The following ATG9B variants were observed in gnomAD, a reference collection of about 807,000 sequenced individuals.
ATG9B encodes autophagy-related protein 9B.
Under a neutral mutation model 92.9 loss-of-function variants are expected in ATG9B, and 92 were observed. That is an observed-to-expected ratio of 0.99 (90% CI 0.84 to 1.18). The LOEUF (loss-of-function observed/expected upper bound fraction) is 1.18. Among genes scored for constraint, ATG9B ranks in the 50% most tolerant of loss-of-function variants. ATG9B has a pLI of 0.00. For synonymous variants in ATG9B, 599 were observed against 551.4 expected (o/e 1.09, Z -1.21); for missense variants, 1,344 against 1,235.0 (o/e 1.09, Z -1.32).
At chr7:151,016,264 T>A in intron 11 of ATG9B, 29 bp from the exon 12 acceptor site, 2 of 1,480,534 alleles carry the variant, frequency 1.4e-6, no homozygotes, top group Non-Finnish European at 1.8e-6. Flanking sequence ...GAATGAGGGC[T>A]GCACCCCAAG....
Position 151,018,190 on chromosome 7 carries a change from T to C in ATG9B, c.1872+104A>G. On this transcript the variant is annotated intron_variant, in intron 7 of 13. Transcript: ENST00000639579. This position sits in a 1 kb window ranked among gnomAD's most constrained non-coding sequence, Gnocchi z 4.7. ...CTCCCTAGACTCCTGGTATAGTCCG[T>C]TTGTCTCATGCCCTCTCCCAGACAG... 1.4e-6 allele frequency: 2 copies of C among 1,473,696 alleles called. No individual in the cohort carries two copies. The highest frequency in any genetic ancestry group is 1.8e-6 in the Non-Finnish European group (2 of 1,117,414). The allele number at this position is 1,473,696 out of a possible 1,614,324, so 91.3% of individuals were successfully genotyped here.
chr7:151,020,559 C>G (rs1163633471), intron 5 of ATG9B, among the ~76,000 whole-genome samples: 2 of 152,208 alleles, frequency 1.3e-5, no homozygotes, highest in African/African-American at 4.8e-5. Flanking sequence ...CCCAGGGGAG[C>G]AAGGGAAGCA....
rs780965013 is a variant in ATG9B at position 151,024,257 on chromosome 7, G to T, written c.167C>A (p.Ala56Asp). ...GGAGGGGGAGCTTCTTGTATGAGGG[G>T]CAGGGGACAGAGAGAAGATGGAGAT... is the stretch of plus-strand genomic sequence containing the variant. ...GRISIFSLSPAPHTRSSPSSF... is the reference protein window; with the variant it reads ...GRISIFSLSPDPHTRSSPSSF... The change falls in exon 1 of 14, where the codon GCC (alanine) becomes GAC (aspartate). Residue 56 changes from alanine to aspartate, a missense_variant. Physicochemically the swap from Ala to Asp is moderately radical, Grantham distance 126 (BLOSUM62 -2). Coordinates refer to ENST00000639579, the MANE Select transcript of ATG9B (RefSeq NM_001317056.2). 6 of 1,466,830 alleles carry T rather than the reference G, an allele frequency of 4.1e-6. No homozygotes were observed. In the South Asian group the frequency reaches 4.5e-5, roughly 11 times the overall value. 90.9% of individuals were successfully genotyped at this position (1,466,830 alleles called of 1,614,324 possible). A position where few individuals can be genotyped will look rare whatever the true frequency, so the allele number is the denominator to read the frequency against.
rs2117181395 is a variant in ATG9B, at chr7:151,024,315, G to A, written c.109C>T (p.Pro37Ser). 2 of 1,431,772 alleles carry A rather than the reference G, an allele frequency of 1.4e-6. No individual in the cohort carries two copies. The highest frequency in any genetic ancestry group is 2.6e-5 in the East Asian group (1 of 39,058). 88.7% of individuals were successfully genotyped at this position (1,431,772 alleles called of 1,614,324 possible). ...CCCCCAGGTCCCCGGCATGAAGGAG[G>A]AGGAGGAGGTGGCAGTGGCATGGGG... The part of the protein sequence containing the change: ...LLPMPLPPPP[P>S]PSCRGPGGGR... The change falls in exon 1 of 14, where the codon CCT becomes TCT. Residue 37 changes from proline to serine, a missense_variant. Transcript: ENST00000639579.
Position 151,019,010 on chromosome 7 carries a change from G to A in ATG9B, c.1328C>T (p.Ala443Val), listed in dbSNP as rs1184664009. Reference protein sequence around the residue: ...ARWGRTVLLLAALNLALSPLV... With the variant: ...ARWGRTVLLLVALNLALSPLV... ...CGGGCTCAGCGCCAGGTTCAGGGCG[G>A]CCAGCAGCAGCACTGTGCGCCCCCA... The change falls in exon 6 of 14, where the codon GCC (alanine) becomes GTC (valine). Residue 443 changes from alanine to valine, a missense_variant. Ala to Val is a moderately conservative substitution (Grantham distance 64). Transcript: ENST00000639579. 1.3e-6 allele frequency: 2 copies of A among 1,559,190 alleles called. No individual in the cohort carries two copies. Among genetic ancestry groups the A allele is most frequent in the Non-Finnish European group, 1.7e-6 (2 of 1,157,798 alleles).
rs780303332 is a variant in ATG9B, at chr7:151,018,377, T to G, written c.1789A>C (p.Met597Leu). ...CCGGGCTCCTCCGGGAGGTAGTGCA[T>G]GTGGGCCAGGGCTGTCTGCAGCAGG... is the stretch of plus-strand genomic sequence containing the variant. ...QLLLQTALAHMHYLPEEPGPG... is the reference protein window; with the variant it reads ...QLLLQTALAHLHYLPEEPGPG... The change falls in exon 7 of 14, where the codon ATG becomes CTG. Residue 597 changes from methionine to leucine, a missense_variant. Physicochemically the swap from Met to Leu is conservative, Grantham distance 15 (BLOSUM62 2). Transcript: ENST00000639579. This position sits in a 1 kb window ranked among gnomAD's most constrained non-coding sequence, Gnocchi z 4.7. The G allele has an allele frequency of 1.3e-6, 2 of 1,596,760 alleles. No individual in the cohort carries two copies. The highest frequency in any genetic ancestry group is 1.7e-6 in the Non-Finnish European group (2 of 1,173,210).
Position 151,024,163 on chromosome 7 carries a change from G to T in ATG9B, c.261C>A (p.Cys87Ter), listed in dbSNP as rs769719709. The T allele has an allele frequency of 6.4e-6, 10 of 1,559,752 alleles. No individual in the cohort carries two copies. Among genetic ancestry groups the T allele is most frequent in the Non-Finnish European group, 7.8e-6 (9 of 1,151,778 alleles). The change falls in exon 1 of 14, where the codon TGC becomes TGA. Residue 87 changes from cysteine (C) to a stop codon, truncating the protein, a stop_gained. Coordinates refer to ENST00000639579, the MANE Select transcript of ATG9B (RefSeq NM_001317056.2). LOFTEE classifies it high-confidence loss of function. ...VLQGTGASQS[C>*]HSALPIPATP... is the part of the protein sequence containing the mutation. ...TGGCTGGGATAGGGAGAGCACTGTG[G>T]CAAGACTGAGAAGCCCCTGTCCCCT...
intron 8 of ATG9B, 23 bp from the exon 9 acceptor site, chr7:151,017,295 AG>A: frequency 6.4e-7 from 1 of 1,557,840 alleles, no homozygotes; most frequent in Admixed American, 1.8e-5. Flanking sequence ...ACAGTCTTTC[AG>A]GTGCTAAGAA....
At chr7:151,012,566 CAGGA>C, downstream of ATG9B, 2 of 1,435,218 alleles carry the variant, frequency 1.4e-6, no homozygotes, top group South Asian at 2.6e-5. Context: ...AAAGAGAGGG[CAGGA>C]AACAAAGTCC....
chr7:151,023,321 T>C, intron 3 of ATG9B, 115 bp from the exon 4 acceptor site: 1 of 1,598,286 alleles, frequency 6.3e-7, no homozygotes. Context: ...CTGCCCCTGC[T>C]GAGCCCTTGG....
At position 151,018,213 on chromosome 7, in the gene ATG9B, C is replaced by G; in HGVS notation, c.1872+81G>C. ...CGTTTGTCTCATGCCCTCTCCCAGA[C>G]AGACCCTCCGCGCAGACAGACCCTC... is the stretch of plus-strand genomic sequence containing the variant. On this transcript the variant is annotated intron_variant, in intron 7 of 13. Coordinates refer to ENST00000639579, the MANE Select transcript of ATG9B (RefSeq NM_001317056.2). The surrounding 1 kb of genome is among the most constrained non-coding windows in gnomAD (Gnocchi z 4.7). The G allele has an allele frequency of 6.7e-7, 1 of 1,483,098 alleles. No homozygotes were observed. Among genetic ancestry groups the G allele is most frequent in the Non-Finnish European group, 8.9e-7 (1 of 1,126,010 alleles). The allele number at this position is 1,483,098 out of a possible 1,614,324, so 91.9% of individuals were successfully genotyped here. A position where few individuals can be genotyped will look rare whatever the true frequency, so the allele number is the denominator to read the frequency against.
Position 151,018,964 on chromosome 7 carries a change from A to T in ATG9B, c.1374T>A (p.Val458=). 6.3e-7 allele frequency: 1 copy of T among 1,578,622 alleles called. No homozygotes were observed. ...ALSPLVLAWQ[V]LHVFYSHVEL... is the part of the protein sequence containing the mutation. ...CCACGTGGCTATAGAAGACGTGCAG[A>T]ACCTGCCAGGCCAGCACCAGCGGGC... Residue 458 remains valine (V), a synonymous_variant, in exon 6 of 14, where the codon GTT becomes GTA. Transcript: ENST00000639579. The surrounding 1 kb of genome is among the most constrained non-coding windows in gnomAD (Gnocchi z 4.7).
In ATG9B at chr7:151,018,235, C is replaced by A; in HGVS notation, c.1872+59G>T. 1 of 1,508,494 alleles carries A rather than the reference C, an allele frequency of 6.6e-7. No individual in the cohort carries two copies. Among genetic ancestry groups the A allele is most frequent in the Non-Finnish European group, 8.8e-7 (1 of 1,137,352 alleles). The allele number at this position is 1,508,494 out of a possible 1,614,324, so 93.4% of individuals were successfully genotyped here. On this transcript the variant is annotated intron_variant, in intron 7 of 13. Coordinates refer to ENST00000639579, the MANE Select transcript of ATG9B (RefSeq NM_001317056.2). This position sits in a 1 kb window ranked among gnomAD's most constrained non-coding sequence, Gnocchi z 4.7. ...AGACAGACCCTCCGCGCAGACAGAC[C>A]CTCCGCGCAGACAGACCCCACAACT...
At chr7:151,023,282 A>G in intron 3 of ATG9B, 76 bp from the exon 4 acceptor site, 2 of 1,607,072 alleles carry the variant, frequency 1.2e-6, no homozygotes, top group South Asian at 2.2e-5. Context: ...CCCAGCCCCC[A>G]GAGCAGCCCA....
chr7:151,022,478 TC>T (rs1795789179), intron 4 of ATG9B, among the ~76,000 whole-genome samples: 1 of 151,042 alleles, frequency 6.6e-6, no homozygotes, highest in African/African-American at 2.4e-5. Flanking sequence ...TAGATACGAC[TC>T]CCATAAACAA....
downstream of ATG9B, chr7:151,014,314 C>G: frequency 1.1e-6 from 1 of 909,638 alleles, no homozygotes; most frequent in East Asian, 2.7e-5. Context: ...CATTATTCCT[C>G]CAGGAAGGAG....
chr7:151,024,418 C>T lies in ATG9B; in HGVS notation c.6G>A (p.Val2=). The part of the protein sequence containing the change: M[V]SRMGWGGRRR... Reference sequence around the variant, plus strand: ...TTCTCCCCCCCCAGCCCATTCGGCTCACCATCAGGCCACGGCTTCTCCAGA... The same window carrying T: ...TTCTCCCCCCCCAGCCCATTCGGCTTACCATCAGGCCACGGCTTCTCCAGA... Residue 2 remains valine, a synonymous_variant, in exon 1 of 14, where the codon GTG becomes GTA. Coordinates refer to ENST00000639579, the MANE Select transcript of ATG9B (RefSeq NM_001317056.2). The T allele has an allele frequency of 7.4e-7, 1 of 1,358,904 alleles. No individual in the cohort carries two copies. The highest frequency in any genetic ancestry group is 9.5e-7 in the Non-Finnish European group (1 of 1,050,566). The allele number at this position is 1,358,904 out of a possible 1,614,324, so 84.2% of individuals were successfully genotyped here.
Position 151,018,817 on chromosome 7 carries a change from GT to G in ATG9B, c.1520del (p.Tyr507SerfsTer47). 1 of 1,290,630 alleles carries G rather than the reference GT, an allele frequency of 7.7e-7. No homozygotes were observed. 79.9% of individuals were successfully genotyped at this position (1,290,630 alleles called of 1,614,324 possible). On this transcript the variant is annotated frameshift_variant, in exon 6 of 14. Transcript: ENST00000639579. LOFTEE classifies it high-confidence loss of function. The surrounding 1 kb of genome is among the most constrained non-coding windows in gnomAD (Gnocchi z 4.7). The part of the protein sequence containing the change: ...HELRARLARA[Y>X]RPAAAFLRTA... The stretch of plus-strand genomic sequence containing the variant: ...TGCGCAGGAAGGCGGCGGCGGGGCG[GT>G]AGGCGCGGGCCAGGCGCGCGCGCAG...
chr7:151,017,645 G>A (rs1476649120), intron 8 of ATG9B, among the ~76,000 whole-genome samples: 1 of 152,236 alleles, frequency 6.6e-6, no homozygotes, highest in Non-Finnish European at 1.5e-5. Context: ...AGGCTATACA[G>A]ACATAATCTG....
Sources: gnomAD v4.1 joint callset for allele counts (sites outside exome capture counted in the v4.1 genomes callset) on GRCh38, gnomAD v4.1.1 for gene constraint, Gnocchi (gnomAD v3.1) non-coding constraint, MANE v1.5 for transcripts, NCBI Gene and HGNC (gene_info 2026-07-23, HGNC 2026-07-21) for gene names.